The following SIK3 variants were observed in gnomAD, a reference collection of about 807,000 sequenced individuals.
The protein encoded by SIK3 is serine/threonine-protein kinase SIK3.
SIK3 carries 28 observed loss-of-function variants against 144.2 expected under a neutral mutation model. The ratio of observed to expected loss-of-function variants is 0.19; its 90% CI spans 0.14 to 0.27. The LOEUF is 0.27. Among genes scored for constraint, SIK3 ranks in the 10% least tolerant of loss-of-function variants. The pLI, the probability that SIK3 is intolerant of heterozygous loss-of-function variation, is 1.00. For missense variants in SIK3, 1,319 were observed against 1,776.0 expected (o/e 0.74, Z 4.62); for synonymous variants, 686 against 676.3 (o/e 1.01, Z -0.22).
intron 1 of SIK3, among the ~76,000 whole-genome samples, chr11:117,095,408 G>A (rs1565638890): frequency 6.6e-6 from 1 of 151,994 alleles, no homozygotes; most frequent in Non-Finnish European, 1.5e-5. Context: ...GACACATTCT[G>A]GAGACAGATG....
intron 1 of SIK3, among the ~76,000 whole-genome samples, chr11:116,971,331 T>C (rs1949757946): frequency 6.6e-6 from 1 of 152,168 alleles, no homozygotes; most frequent in Non-Finnish European, 1.5e-5. Context: ...AAACCAAGAA[T>C]CCGAGTCTAA....
chr11:116,890,431 T>A (rs2134697718), intron 6 of SIK3, among the ~76,000 whole-genome samples: 1 of 152,320 alleles, frequency 6.6e-6, no homozygotes, highest in East Asian at 1.9e-4. Context: ...TGAATTTTAT[T>A]CTGAATGTAA....
In SIK3 at chr11:116,857,841, A is replaced by C; in HGVS notation, c.3624T>G (p.Ala1208=). 6.2e-7 allele frequency: 1 copy of C among 1,614,240 alleles called. No homozygotes were observed. The highest frequency in any genetic ancestry group is 8.5e-7 in the Non-Finnish European group (1 of 1,180,054). The change falls in exon 21 of 25, where the codon GCT becomes GCG. Residue 1208 remains alanine, a synonymous_variant. Coordinates refer to ENST00000445177, the MANE Select transcript of SIK3 (RefSeq NM_001366686.3). ...GIHPYGHQPT[A]AFSKNKVPSR... Reference sequence around the variant, plus strand: ...TGGGCACCTTATTTTTACTGAATGCAGCAGTTGGCTGATGACCATAGGGAT... The same window carrying C: ...TGGGCACCTTATTTTTACTGAATGCCGCAGTTGGCTGATGACCATAGGGAT...
intron 6 of SIK3, among the ~76,000 whole-genome samples, chr11:116,877,880 A>AT (rs1359502823): frequency 2.0e-5 from 3 of 151,916 alleles, no homozygotes; most frequent in African/African-American, 7.3e-5. Flanking sequence ...TCTTCTGAGC[A>AT]TTTTACAATT....
intron 3 of SIK3, among the ~76,000 whole-genome samples, chr11:116,931,370 AC>A (rs1947595004): frequency 6.6e-6 from 1 of 152,208 alleles, no homozygotes; most frequent in African/African-American, 2.4e-5. Flanking sequence ...AGCCAGTCTT[AC>A]CTTCCCTAGG....
At chr11:116,958,115 C>A (rs1298173145) in intron 1 of SIK3, among the ~76,000 whole-genome samples, 1 of 152,116 alleles carries the variant, frequency 6.6e-6, no homozygotes, top group Non-Finnish European at 1.5e-5. Context: ...CTAGACTAGT[C>A]AAACTCTAGT....
intron 4 of SIK3, among the ~76,000 whole-genome samples, chr11:116,903,299 A>G (rs1945833790): frequency 6.6e-6 from 1 of 152,216 alleles, no homozygotes; most frequent in South Asian, 2.1e-4. Context: ...TACAGTTAAA[A>G]CAAACTAGTC....
At chr11:117,054,468 C>A (rs891750396) in intron 1 of SIK3, among the ~76,000 whole-genome samples, 4 of 152,086 alleles carry the variant, frequency 2.6e-5, no homozygotes, top group African/African-American at 9.7e-5. Context: ...CCATCAGAGG[C>A]CTTTCTGCTG....
chr11:116,848,423 A>C (rs1043828921), intron 22 of SIK3, among the ~76,000 whole-genome samples: 1 of 152,178 alleles, frequency 6.6e-6, no homozygotes, highest in African/African-American at 2.4e-5. Flanking sequence ...TTTAATTTTA[A>C]TTGGTTTAGA....
At chr11:117,091,402 C>T (rs183890667) in intron 1 of SIK3, among the ~76,000 whole-genome samples, 69 of 151,942 alleles carry the variant, frequency 4.5e-4, no homozygotes, top group Non-Finnish European at 4.9e-4. Flanking sequence ...AACAGGGTTT[C>T]GCCATGTTAG....
At chr11:117,011,238 G>A (rs953956166) in intron 1 of SIK3, among the ~76,000 whole-genome samples, 3 of 151,946 alleles carry the variant, frequency 2.0e-5, no homozygotes, top group Non-Finnish European at 2.9e-5. Flanking sequence ...CCTGTAAACA[G>A]AAGCTGCAAA....
At chr11:116,874,314 G>T (rs1368052331) in intron 11 of SIK3, among the ~76,000 whole-genome samples, 1 of 152,188 alleles carries the variant, frequency 6.6e-6, no homozygotes, top group East Asian at 1.9e-4. Context: ...TGAGCCAAGA[G>T]GAAATAGTGG....
At chr11:116,908,179 T>C (rs1031254624) in intron 4 of SIK3, among the ~76,000 whole-genome samples, 2 of 152,088 alleles carry the variant, frequency 1.3e-5, no homozygotes, top group African/African-American at 2.4e-5. Flanking sequence ...TTGTAACTTA[T>C]AAAATAAAGG....
At chr11:116,948,638 T>C (rs1433285758) in intron 3 of SIK3, among the ~76,000 whole-genome samples, 1 of 152,142 alleles carries the variant, frequency 6.6e-6, no homozygotes, top group African/African-American at 2.4e-5. Flanking sequence ...TTCTAGTCAT[T>C]TCAGTCTTCT....
chr11:117,064,027 C>G (rs931461937), intron 1 of SIK3, among the ~76,000 whole-genome samples: 5 of 151,934 alleles, frequency 3.3e-5, no homozygotes, highest in Non-Finnish European at 5.9e-5. Flanking sequence ...TTAATGAATA[C>G]AGTATCAAAA....
intron 6 of SIK3, among the ~76,000 whole-genome samples, chr11:116,880,319 C>G (rs1015487866): frequency 1.3e-5 from 2 of 150,402 alleles, no homozygotes; most frequent in African/African-American, 5.0e-5. Context: ...AAAAAAAAAT[C>G]TGCACAAGAA....
At chr11:116,983,055 C>T (rs1950204457) in intron 1 of SIK3, among the ~76,000 whole-genome samples, 1 of 149,704 alleles carries the variant, frequency 6.7e-6, no homozygotes, top group South Asian at 2.1e-4. Flanking sequence ...TATTTCATTT[C>T]TTAAAAATTG....
chr11:117,014,272 T>A (rs1951426459), intron 1 of SIK3, among the ~76,000 whole-genome samples: 1 of 152,096 alleles, frequency 6.6e-6, no homozygotes, highest in Non-Finnish European at 1.5e-5. Flanking sequence ...CTCTTCTACA[T>A]AGCTGAAGTC....
intron 1 of SIK3, among the ~76,000 whole-genome samples, chr11:117,069,183 T>G (rs7108950): frequency 3.4e-4 from 25 of 73,346 alleles, no homozygotes; most frequent in African/African-American, 9.7e-4. Flanking sequence ...AGATTTTTTT[T>G]TGGGGGGGGG....
Sources: gnomAD v4.1 joint callset for allele counts (sites outside exome capture counted in the v4.1 genomes callset) on GRCh38, gnomAD v4.1.1 for gene constraint, MANE v1.5 for transcripts, NCBI Gene and HGNC (gene_info 2026-07-23, HGNC 2026-07-21) for gene names.